TBC1D5: variants seen among roughly 807,000 people sequenced by gnomAD.
TBC1D5 encodes TBC1 domain family member 5, also known as TBC1 domain family, member 5.
A neutral mutation model predicts 100.3 loss-of-function variants in TBC1D5; 75 were observed. The ratio of observed to expected loss-of-function variants is 0.75; its 90% confidence interval spans 0.62 to 0.91. The LOEUF is 0.91. Ranked by LOEUF, TBC1D5 falls within the 40% of genes least tolerant of loss-of-function variation. The probability of loss-of-function intolerance (pLI) is 0.00; values close to 1 mark genes in which losing one functional copy is unlikely to be tolerated. For missense variants in TBC1D5, 910 were observed against 942.4 expected, an observed-to-expected ratio of 0.97 and a Z score of 0.45; for synonymous variants, 323 against 325.6, an observed-to-expected ratio of 0.99 and a Z score of 0.09.
chr3:17,660,524 G>A (rs1176225743), intron 1 of TBC1D5, among the ~76,000 whole-genome samples: 2 of 152,190 alleles, frequency 1.3e-5, no homozygotes, highest in African/African-American at 4.8e-5. Flanking sequence ...TGATCTAAAT[G>A]GGGCCAATAA....
At chr3:17,313,042 G>A (rs2084230969) in intron 13 of TBC1D5, among the ~76,000 whole-genome samples, 1 of 152,054 alleles carries the variant, frequency 6.6e-6, no homozygotes, top group African/African-American at 2.4e-5. Context: ...TAATTTACCA[G>A]GAAATTCCAA....
intron 16 of TBC1D5, among the ~76,000 whole-genome samples, chr3:17,240,686 C>T (rs1360723438): frequency 1.3e-5 from 2 of 152,106 alleles, no homozygotes; most frequent in Admixed American, 6.5e-5. Flanking sequence ...TAAAGAAAAG[C>T]TATCATGGAC....
At chr3:17,503,104 TG>T (rs2095804457) in intron 3 of TBC1D5, among the ~76,000 whole-genome samples, 1 of 149,756 alleles carries the variant, frequency 6.7e-6, no homozygotes, top group Non-Finnish European at 1.5e-5. Context: ...ATCCTTTCAC[TG>T]AAATACCCAC....
At chr3:17,431,836 C>T (rs2094452177) in intron 3 of TBC1D5, among the ~76,000 whole-genome samples, 1 of 151,972 alleles carries the variant, frequency 6.6e-6, no homozygotes, top group Non-Finnish European at 1.5e-5. Context: ...TTTCAGACTC[C>T]CTTTTAGCTT....
chr3:17,486,155 G>A (rs540496105), intron 3 of TBC1D5, among the ~76,000 whole-genome samples: 148 of 151,878 alleles, frequency 9.7e-4, no homozygotes, highest in African/African-American at 2.8e-3. Flanking sequence ...GAGAAGTGTC[G>A]GTTCATATCC....
chr3:17,375,601 C>G (rs947778660), intron 10 of TBC1D5, among the ~76,000 whole-genome samples: 2 of 149,650 alleles, frequency 1.3e-5, no homozygotes, highest in African/African-American at 4.9e-5. Context: ...GATCCTAATA[C>G]TAACTTCATG....
chr3:17,468,109 A>C (rs910348930), intron 3 of TBC1D5, among the ~76,000 whole-genome samples: 1 of 152,256 alleles, frequency 6.6e-6, no homozygotes, highest in Non-Finnish European at 1.5e-5. Flanking sequence ...GGTCAGAGGA[A>C]TCCAGTAGCA....
intron 3 of TBC1D5, among the ~76,000 whole-genome samples, chr3:17,507,327 CTT>C (rs976853131): frequency 7.2e-5 from 11 of 151,964 alleles, no homozygotes; most frequent in African/African-American, 2.2e-4. Flanking sequence ...AAACATAAGT[CTT>C]GAGTTCTTAT....
In TBC1D5 at chr3:17,296,792, T is replaced by C. The variant is rs552806869; in HGVS notation, c.1139-4791A>G. On this transcript the variant is annotated intron_variant, in intron 14 of 21. Coordinates refer to ENST00000253692, the Ensembl canonical transcript of TBC1D5. The stretch of plus-strand genomic sequence containing the variant: ...CCAACACATACTCTTATGTAAACAC[T>C]TGGATACTCTTTGGTAAGTCCTTAT... 1.7e-4 allele frequency among the ~76,000 whole-genome samples: 26 copies of C among 152,326 alleles called. No individual in the cohort carries two copies. The East Asian group carries it at 4.8e-3, about 28-fold the overall frequency.
In TBC1D5 at chr3:17,738,399, ACACT is replaced by A. The variant is rs550875508; in HGVS notation, c.-101+940_-101+943del. Among the ~76,000 whole-genome samples, 187 of 151,216 alleles carry A rather than the reference ACACT, an allele frequency of 1.2e-3. 3 individuals carry two copies. In the South Asian group the frequency reaches 0.019, roughly 16 times the overall value. On this transcript the variant is annotated intron_variant, in intron 1 of 21. Transcript: ENST00000253692. Reference sequence around the variant, plus strand: ...CTCACACATACACACACACACACACACACTCTCTCTCTCTCTCTAATTCTCAAAG... The same window carrying A: ...CTCACACATACACACACACACACACACTCTCTCTCTCTCTAATTCTCAAAG...
At chr3:17,587,472 T>C (rs531318419) in intron 2 of TBC1D5, among the ~76,000 whole-genome samples, 28 of 152,112 alleles carry the variant, frequency 1.8e-4, no homozygotes, top group Admixed American at 7.9e-4. Flanking sequence ...AGATTCAATA[T>C]AAATTATTTC....
At chr3:17,450,077 T>C (rs1380281048) in intron 3 of TBC1D5, among the ~76,000 whole-genome samples, 1 of 152,058 alleles carries the variant, frequency 6.6e-6, no homozygotes, top group Non-Finnish European at 1.5e-5. Flanking sequence ...CCGCTGGTGA[T>C]ACCAAGGCAA....
At chr3:17,494,418 A>T (rs1372902510) in intron 3 of TBC1D5, among the ~76,000 whole-genome samples, 3 of 152,214 alleles carry the variant, frequency 2.0e-5, no homozygotes, top group South Asian at 2.1e-4. Flanking sequence ...GCTTAAAGCA[A>T]CAGTCTGGCT....
intron 15 of TBC1D5, among the ~76,000 whole-genome samples, chr3:17,263,600 C>T (rs925707912): frequency 6.6e-6 from 1 of 152,052 alleles, no homozygotes; most frequent in Non-Finnish European, 1.5e-5. Flanking sequence ...GCTTTTTCTT[C>T]AGCATTTTAT....
intron 1 of TBC1D5, among the ~76,000 whole-genome samples, chr3:17,706,627 C>T (rs1577672508): frequency 6.6e-6 from 1 of 151,704 alleles, no homozygotes; most frequent in Admixed American, 6.6e-5. Flanking sequence ...GAAAATCAAC[C>T]GGAGATAATG....
intron 2 of TBC1D5, among the ~76,000 whole-genome samples, chr3:17,556,054 G>A (rs776595646): frequency 4.0e-5 from 6 of 151,790 alleles, no homozygotes; most frequent in African/African-American, 7.3e-5. Context: ...ACAGGGTCTC[G>A]CTCTGTCACC....
chr3:17,353,369 T>C (rs2090860008), intron 13 of TBC1D5, among the ~76,000 whole-genome samples: 1 of 152,098 alleles, frequency 6.6e-6, no homozygotes, highest in Admixed American at 6.6e-5. Context: ...ATTGGTTTAC[T>C]TTTTAGTAAT....
chr3:17,160,014 A>G (rs1194853970), exon 22 of TBC1D5: 1 of 152,210 alleles, frequency 6.6e-6, no homozygotes, highest in East Asian at 1.9e-4. Context: ...ACAGGTATAT[A>G]CAGCTCTGAA....
In TBC1D5 at chr3:17,737,967, T is replaced by C. The variant is rs376050371; in HGVS notation, c.-101+1376A>G. Among the ~76,000 whole-genome samples, 19 of 152,292 alleles carry C rather than the reference T, an allele frequency of 1.2e-4. No homozygotes were observed. The East Asian group carries it at 2.5e-3, about 20-fold the overall frequency. ...GACAATGACTGAATGACATTATCTT[T>C]AGATGTTTTTCATCCAAACTAATGG... On this transcript the variant is annotated intron_variant, in intron 1 of 21. Coordinates refer to ENST00000253692, the Ensembl canonical transcript of TBC1D5.
Sources: gnomAD v4.1 joint callset for allele counts (sites outside exome capture counted in the v4.1 genomes callset) on GRCh38, gnomAD v4.1.1 for gene constraint, MANE v1.5 for transcripts, NCBI Gene and HGNC (gene_info 2026-07-23, HGNC 2026-07-21) for gene names.